The following SYN3 variants were observed in gnomAD, a reference collection of about 807,000 sequenced individuals.
SYN3 encodes the protein synapsin III, also known as synapsin-3.
A neutral mutation model predicts 65.8 loss-of-function variants in SYN3; 35 were observed. That is an observed-to-expected ratio of 0.53 (90% CI 0.41 to 0.70). The LOEUF is 0.70. Ranked by LOEUF, SYN3 falls within the 30% of genes least tolerant of loss-of-function variation. SYN3 has a pLI of 0.00. For synonymous variants in SYN3, 270 were observed against 292.9 expected, an observed-to-expected ratio of 0.92 and a Z score of 0.80; for missense variants, 680 against 749.0, an observed-to-expected ratio of 0.91 and a Z score of 1.08.
intron 6 of SYN3, among the ~76,000 whole-genome samples, chr22:32,798,981 G>A (rs999312216): frequency 6.6e-6 from 1 of 151,704 alleles, no homozygotes; most frequent in Non-Finnish European, 1.5e-5. Flanking sequence ...GTGAGCCACC[G>A]CACCCAGCCT....
intron 7 of SYN3, among the ~76,000 whole-genome samples, chr22:32,565,928 G>T (rs1415726264): frequency 6.6e-6 from 1 of 151,940 alleles, no homozygotes; most frequent in Admixed American, 6.6e-5. Flanking sequence ...TAACCAGGAT[G>T]GTCTCGAACT....
chr22:32,946,206 G>T (rs1224922121), intron 3 of SYN3, among the ~76,000 whole-genome samples: 1 of 152,122 alleles, frequency 6.6e-6, no homozygotes, highest in Non-Finnish European at 1.5e-5. Flanking sequence ...ATACCCAAAG[G>T]ACTATAAATC....
intron 8 of SYN3, among the ~76,000 whole-genome samples, chr22:32,539,546 T>A (rs1403182352): frequency 1.3e-5 from 2 of 152,166 alleles, no homozygotes; most frequent in Non-Finnish European, 2.9e-5. Context: ...CCTTACTGTG[T>A]CTGCTAGGAC....
intron 6 of SYN3, among the ~76,000 whole-genome samples, chr22:32,782,527 T>C (rs1339397003): frequency 6.7e-6 from 1 of 150,000 alleles, no homozygotes; most frequent in Non-Finnish European, 1.5e-5. Context: ...TTTTTTTTTT[T>C]TTTTTTTTGA....
chr22:32,747,328 A>AACAAAACAAAACAAC, intron 6 of SYN3, among the ~76,000 whole-genome samples: 1 of 151,918 alleles, frequency 6.6e-6, no homozygotes. Context: ...AACAAAACAA[A>AACAAAACAAAACAAC]TCAAAACAAA....
intron 3 of SYN3, among the ~76,000 whole-genome samples, chr22:32,956,185 T>G (rs2051458492): frequency 7.6e-6 from 1 of 132,158 alleles, no homozygotes; most frequent in African/African-American, 2.9e-5. Flanking sequence ...AGACAGAGTC[T>G]TGTTCTGTCG....
At chr22:33,037,404 C>T (rs1384235434) in intron 1 of SYN3, among the ~76,000 whole-genome samples, 4 of 152,150 alleles carry the variant, frequency 2.6e-5, no homozygotes, top group African/African-American at 7.2e-5. Flanking sequence ...AACTCAGGTG[C>T]CTATCTTGAT....
rs111308299 is a variant in SYN3, at chr22:32,510,984, C to CGTGTGTGTGTGTGTGTGT, written c.*2690_*2707dup. Among the ~76,000 whole-genome samples the CGTGTGTGTGTGTGTGTGT allele has an allele frequency of 1.4e-3, 201 of 143,020 alleles. 1 individual carries two copies. Among genetic ancestry groups the CGTGTGTGTGTGTGTGTGT allele is most frequent in the African/African-American group, 3.9e-3 (154 of 39,376 alleles). 93.8% of individuals were successfully genotyped at this position (143,020 alleles called of 152,430 possible). ...TGTCAATTCCAAGTTATTGTCCAGG[C>CGTGTGTGTGTGTGTGTGT]GTGTGTGTGTGTGTGTGTGTGTGTG... On this transcript the variant is annotated 3_prime_UTR_variant, in exon 14 of 14. Coordinates refer to ENST00000358763, the MANE Select transcript of SYN3 (RefSeq NM_003490.4).
intron 6 of SYN3, among the ~76,000 whole-genome samples, chr22:32,644,603 A>G (rs1039313596): frequency 1.3e-5 from 2 of 152,226 alleles, no homozygotes; most frequent in Admixed American, 1.3e-4. Context: ...GCACATGCAC[A>G]GGAAACTGAA....
rs567705340 is a variant in SYN3, at chr22:32,860,536, T to C, written c.711+4379A>G. ...ATCATGACATTCCAAGTTGACATTT[T>C]TTTTTCATTTTAATTAAAATTTGAA... On this transcript the variant is annotated intron_variant, in intron 6 of 13. Coordinates refer to ENST00000358763, the MANE Select transcript of SYN3 (RefSeq NM_003490.4). 3 of 152,788 alleles carry C rather than the reference T, an allele frequency of 2.0e-5. No homozygotes were observed. The South Asian group carries it at 6.2e-4, about 32-fold the overall frequency. The allele number at this position is 152,788 out of a possible 1,614,324, so 9.5% of individuals were successfully genotyped here. A position where few individuals can be genotyped will look rare whatever the true frequency, so the allele number is the denominator to read the frequency against.
intron 6 of SYN3, among the ~76,000 whole-genome samples, chr22:32,820,241 CCT>C (rs1491186121): frequency 3.9e-5 from 5 of 127,702 alleles, no homozygotes; most frequent in African/African-American, 5.8e-5. Flanking sequence ...TCCTTTCTCC[CCT>C]GTGTGTGTGT....
intron 6 of SYN3, among the ~76,000 whole-genome samples, chr22:32,852,604 G>A (rs1186509486): frequency 6.6e-6 from 1 of 152,160 alleles, no homozygotes; most frequent in Non-Finnish European, 1.5e-5. Flanking sequence ...TGGAGAACCT[G>A]AGACTCCGAG....
intron 6 of SYN3, among the ~76,000 whole-genome samples, chr22:32,705,571 G>GT (rs1414955232): frequency 1.3e-5 from 2 of 152,138 alleles, no homozygotes; most frequent in Non-Finnish European, 2.9e-5. Context: ...TTTTAAAATA[G>GT]TTTTTTCTAG....
intron 3 of SYN3, among the ~76,000 whole-genome samples, chr22:32,970,548 C>CA (rs992125403): frequency 0.015 from 1,703 of 115,536 alleles, 39 homozygotes; most frequent in African/African-American, 0.049. Flanking sequence ...GACTCCATCT[C>CA]AAAAAAAAAA....
chr22:32,919,417 T>C (rs2050276216), intron 4 of SYN3, among the ~76,000 whole-genome samples: 1 of 152,198 alleles, frequency 6.6e-6, no homozygotes, highest in South Asian at 2.1e-4. Context: ...TCTATTTCAT[T>C]CACCACTGTA....
chr22:32,684,744 G>T (rs1601909756), intron 6 of SYN3, among the ~76,000 whole-genome samples: 1 of 152,138 alleles, frequency 6.6e-6, no homozygotes, highest in African/African-American at 2.4e-5. Flanking sequence ...ATGAAAAGGG[G>T]CTCATAATGC....
At chr22:32,742,049 G>A (rs185155006) in intron 6 of SYN3, among the ~76,000 whole-genome samples, 10 of 151,916 alleles carry the variant, frequency 6.6e-5, no homozygotes, top group South Asian at 2.1e-4. Flanking sequence ...CGAGGCAGGC[G>A]GATCACGAGG....
At position 32,517,281 on chromosome 22, in the gene SYN3, C is replaced by T. The variant is rs538913852; in HGVS notation, c.1610+762G>A. ...GCCTCAAGAGGCCTTGCAGCTTGTA[C>T]TTTCTCCCTTTTTAAAAGCAGTTCT... is the stretch of plus-strand genomic sequence containing the variant. On this transcript the variant is annotated intron_variant, in intron 13 of 13. Transcript: ENST00000358763. 2.0e-5 allele frequency among the ~76,000 whole-genome samples: 3 copies of T among 152,340 alleles called. No homozygotes were observed. The East Asian group carries it at 5.8e-4, about 29-fold the overall frequency.
intron 4 of SYN3, among the ~76,000 whole-genome samples, chr22:32,920,805 C>T (rs1601698522): frequency 6.6e-6 from 1 of 152,094 alleles, no homozygotes; most frequent in East Asian, 1.9e-4. Context: ...TTCTGCTTGC[C>T]TTTGGCCAAA....
Sources: gnomAD v4.1 joint callset for allele counts (sites outside exome capture counted in the v4.1 genomes callset) on GRCh38, gnomAD v4.1.1 for gene constraint, MANE v1.5 for transcripts, NCBI Gene and HGNC (gene_info 2026-07-23, HGNC 2026-07-21) for gene names.